Variants in BZW1 observed in about 807,000 individuals in gnomAD.
BZW1 encodes eIF5-mimic protein 2.
Under a neutral mutation model 54.1 loss-of-function variants are expected in BZW1, and 3 were observed. That is an observed-to-expected ratio of 0.06 (90% CI 0.03 to 0.14). BZW1 has a LOEUF of 0.14. Among genes scored for constraint, BZW1 ranks in the 10% least tolerant of loss-of-function variants. BZW1 has a pLI of 1.00. For synonymous variants in BZW1, 152 were observed against 162.7 expected, an observed-to-expected ratio of 0.93 and a Z score of 0.50; for missense variants, 206 against 491.7, an observed-to-expected ratio of 0.42 and a Z score of 5.50.
chr2:200,818,761 T>C lies in BZW1; in HGVS notation c.826T>C (p.Leu276=), dbSNP rs778849072. ...AATTTGGATTCATTTGCAGATAATT[T>C]TATATGTCAAGGAGGAGATGAAAAA... The part of the protein sequence containing the change: ...SRGDPFKDII[L]YVKEEMKKNN... The change falls in exon 9 of 12, where the codon TTA becomes CTA. Residue 276 remains leucine (L), a synonymous_variant. Transcript: ENST00000409600. 4 of 1,579,106 alleles carry C rather than the reference T, an allele frequency of 2.5e-6. No individual in the cohort carries two copies. In the South Asian group the frequency reaches 3.5e-5, roughly 14 times the overall value.
chr2:200,819,141 C>T (rs976114487), intron 9 of BZW1: 13 of 454,968 alleles, frequency 2.9e-5, no homozygotes, highest in East Asian at 4.8e-5. Context: ...CCTGTAAACC[C>T]AGCACTTTGG....
At chr2:200,820,275 A>G (rs1159186474) in intron 10 of BZW1, 155 bp downstream of exon 10, 4 of 610,058 alleles carry the variant, frequency 6.6e-6, no homozygotes, top group East Asian at 6.1e-5. Flanking sequence ...TTTTTAGTGC[A>G]CTGATACTTG....
intron 1 of BZW1, chr2:200,812,973 A>G: frequency 1.5e-6 from 1 of 686,162 alleles, no homozygotes; most frequent in Non-Finnish European, 2.7e-6. Flanking sequence ...GTCGCTTAAA[A>G]GTAGTTCACA....
intron 1 of BZW1, chr2:200,812,624 G>A: frequency 7.6e-7 from 1 of 1,318,740 alleles, no homozygotes; most frequent in Non-Finnish European, 1.0e-6. Flanking sequence ...CACGTTACCG[G>A]GGAGGAGGCT....
chr2:200,819,094 A>C, intron 9 of BZW1, 193 bp downstream of exon 9: 1 of 676,846 alleles, frequency 1.5e-6, no homozygotes, highest in Non-Finnish European at 2.3e-6. Context: ...ACAGGTTAAA[A>C]ACAAGAATAT....
At chr2:200,815,242 TCTAA>T in intron 2 of BZW1, 95 bp from the exon 3 acceptor site, 1 of 1,227,972 alleles carries the variant, frequency 8.1e-7, no homozygotes, top group Non-Finnish European at 1.1e-6. Flanking sequence ...GTGAATTTAA[TCTAA>T]CTTATTTAAC....
At chr2:200,817,676 GTATT>G (rs2038344542) in intron 6 of BZW1, among the ~76,000 whole-genome samples, 1 of 151,856 alleles carries the variant, frequency 6.6e-6, no homozygotes, top group Admixed American at 6.6e-5. Context: ...GCAGTAGTGA[GTATT>G]TAAGTTACCT....
rs1286477374 is a variant in BZW1, at chr2:200,815,574, TATGG to T, written c.241+59_241+62del. The T allele has an allele frequency of 8.1e-6, 13 of 1,603,984 alleles. No individual in the cohort carries two copies. The African/African-American group carries it at 1.2e-4, about 15-fold the overall frequency. Reference sequence around the variant, plus strand: ...TTAGAAAGGTATAATATATGGAGATTATGGAGAGTCTAGAATATGAACTATTTGG... The same window carrying T: ...TTAGAAAGGTATAATATATGGAGATTAGAGTCTAGAATATGAACTATTTGG... On this transcript the variant is annotated intron_variant, in intron 3 of 11. Transcript: ENST00000409600.
At chr2:200,816,885 G>A (rs1055716302) in intron 5 of BZW1, among the ~76,000 whole-genome samples, 2 of 152,188 alleles carry the variant, frequency 1.3e-5, no homozygotes, top group Admixed American at 1.3e-4. Flanking sequence ...TAAAAACCCT[G>A]TGAGGCAAGT....
In BZW1 at chr2:200,812,477, CCA is replaced by C. The variant is rs1341304293; in HGVS notation, c.-11+489_-11+490del. On this transcript the variant is annotated intron_variant, in intron 1 of 11. Coordinates refer to ENST00000409600, the MANE Select transcript of BZW1 (RefSeq NM_001207067.2). The stretch of plus-strand genomic sequence containing the variant: ...TGTGGTCCGCTCGTTGCGGCGGCCG[CCA>C]CCGCAGGCGACAGGGTCAGTGGAGA... The C allele has an allele frequency of 4.5e-6, 6 of 1,334,996 alleles. No homozygotes were observed. In the Admixed American group the frequency reaches 1.7e-4, roughly 37 times the overall value. 82.7% of individuals were successfully genotyped at this position (1,334,996 alleles called of 1,614,324 possible).
In BZW1 at chr2:200,818,736, A is replaced by G; in HGVS notation, c.820-19A>G. The G allele has an allele frequency of 6.4e-7, 1 of 1,572,704 alleles. No individual in the cohort carries two copies. Among genetic ancestry groups the G allele is most frequent in the Non-Finnish European group, 8.6e-7 (1 of 1,168,718 alleles). ...TAATCAAAACTGACTTCTGTTACTAAATTTGGATTCATTTGCAGATAATTT... is the reference window on the plus strand; with the variant it reads ...TAATCAAAACTGACTTCTGTTACTAGATTTGGATTCATTTGCAGATAATTT... On this transcript the variant is annotated intron_variant, in intron 8 of 11. Coordinates refer to ENST00000409600, the MANE Select transcript of BZW1 (RefSeq NM_001207067.2).
intron 1 of BZW1, chr2:200,812,886 G>A: frequency 4.6e-6 from 3 of 653,880 alleles, no homozygotes; most frequent in Non-Finnish European, 8.7e-6. Flanking sequence ...CGTGGAAGAT[G>A]TAAGTGAATG....
Position 200,824,834 on chromosome 2 carries a change from A to G in BZW1, c.*2656A>G, listed in dbSNP as rs1440306678. 2 of 151,430 alleles carry G rather than the reference A, an allele frequency of 1.3e-5. No individual in the cohort carries two copies. Among genetic ancestry groups the G allele is most frequent in the Non-Finnish European group, 2.9e-5 (2 of 67,868 alleles). 9.4% of individuals were successfully genotyped at this position (151,430 alleles called of 1,614,324 possible). A position where few individuals can be genotyped will look rare whatever the true frequency, so the allele number is the denominator to read the frequency against. ...CTACAGGCGCCCGCCACCATGCCCG[A>G]CTAATTTTTTTGTATTTTTAGTAGA... On this transcript the variant is annotated 3_prime_UTR_variant, in exon 12 of 12. Coordinates refer to ENST00000409600, the MANE Select transcript of BZW1 (RefSeq NM_001207067.2).
chr2:200,817,916 A>G, intron 6 of BZW1, 58 bp from the exon 7 acceptor site: 3 of 1,183,280 alleles, frequency 2.5e-6, no homozygotes, highest in Non-Finnish European at 3.6e-6. Context: ...ATATAGGGGG[A>G]CACAGTGATT....
At chr2:200,818,131 G>A in intron 7 of BZW1, 48 bp downstream of exon 7, 1 of 1,514,204 alleles carries the variant, frequency 6.6e-7, no homozygotes, top group Non-Finnish European at 8.9e-7. Flanking sequence ...GGATGTAAAT[G>A]AGAGAAATTT....
At position 200,825,178 on chromosome 2, in the gene BZW1, C is replaced by T. The variant is rs1407202136; in HGVS notation, c.*3000C>T. On this transcript the variant is annotated 3_prime_UTR_variant, in exon 12 of 12. Coordinates refer to ENST00000409600, the MANE Select transcript of BZW1 (RefSeq NM_001207067.2). ...CTCCTGGGTTCAAGCGATTCTCTTG[C>T]TTCAGCCTCCTGAGTAGCTGGGATT... 1 of 152,434 alleles carries T rather than the reference C, an allele frequency of 6.6e-6. No homozygotes were observed. The highest frequency in any genetic ancestry group is 1.9e-4 in the East Asian group (1 of 5,202). 9.4% of individuals were successfully genotyped at this position (152,434 alleles called of 1,614,324 possible). A position where few individuals can be genotyped will look rare whatever the true frequency, so the allele number is the denominator to read the frequency against.
chr2:200,812,481 C>T lies in BZW1; in HGVS notation c.-11+491C>T, dbSNP rs1042535584. On this transcript the variant is annotated intron_variant, in intron 1 of 11. Coordinates refer to ENST00000409600, the MANE Select transcript of BZW1 (RefSeq NM_001207067.2). ...GTCCGCTCGTTGCGGCGGCCGCCACCGCAGGCGACAGGGTCAGTGGAGAAA... is the reference window on the plus strand; with the variant it reads ...GTCCGCTCGTTGCGGCGGCCGCCACTGCAGGCGACAGGGTCAGTGGAGAAA... 57 of 1,336,710 alleles carry T rather than the reference C, an allele frequency of 4.3e-5. No homozygotes were observed. The highest frequency in any genetic ancestry group is 5.0e-4 in the Middle Eastern group (2 of 4,002). The allele number at this position is 1,336,710 out of a possible 1,614,324, so 82.8% of individuals were successfully genotyped here.
rs778195990 is a variant in BZW1, at chr2:200,813,293, C to T, written c.64+12C>T. 4.4e-6 allele frequency: 7 copies of T among 1,605,816 alleles called. No individual in the cohort carries two copies. The highest frequency in any genetic ancestry group is 3.3e-5 in the South Asian group (3 of 90,748). The stretch of plus-strand genomic sequence containing the variant: ...AACTAGAAAAAGAGGTAAATATTTA[C>T]GTTTTAATGTCTCTCTTCAAACCTC... On this transcript the variant is annotated intron_variant, in intron 2 of 11. Coordinates refer to ENST00000409600, the MANE Select transcript of BZW1 (RefSeq NM_001207067.2).
At chr2:200,819,877 A>G in intron 9 of BZW1, 105 bp from the exon 10 acceptor site, 1 of 1,062,328 alleles carries the variant, frequency 9.4e-7, no homozygotes, top group Non-Finnish European at 1.3e-6. Context: ...GTTTGCAGTG[A>G]TTATAAAAGA....
Sources: allele counts gnomAD v4.1 joint callset (sites outside exome capture counted in the v4.1 genomes callset), GRCh38; gene constraint gnomAD v4.1.1; transcripts MANE v1.5; gene names NCBI Gene and HGNC (gene_info 2026-07-23, HGNC 2026-07-21).